PGBD5: variants seen among roughly 807,000 people sequenced by gnomAD.
PGBD5 encodes piggyBac transposable element-derived protein 5.
PGBD5 carries 14 observed loss-of-function variants against 47.9 expected under a neutral mutation model. That is an observed-to-expected ratio of 0.29 (90% CI 0.19 to 0.46). The LOEUF is 0.46. Among genes scored for constraint, PGBD5 ranks in the 20% least tolerant of loss-of-function variants. The pLI is 1.00. For synonymous variants in PGBD5, 316 were observed against 306.3 expected (o/e 1.03, Z -0.33); for missense variants, 635 against 716.0 (o/e 0.89, Z 1.29).
At chr1:230,362,478 AAGCCC>A in intron 1 of PGBD5, 1 of 1,204,954 alleles carries the variant, frequency 8.3e-7, no homozygotes. Flanking sequence ...TCCTGGAAGG[AAGCCC>A]TCCTGGGGCT....
intron 3 of PGBD5, among the ~76,000 whole-genome samples, chr1:230,338,073 G>A (rs1667354016): frequency 6.6e-6 from 1 of 152,230 alleles, no homozygotes; most frequent in Admixed American, 6.5e-5. Flanking sequence ...AGAACTGCTA[G>A]AGAAGTTCAT....
At chr1:230,375,495 C>A (rs1210348509) in intron 1 of PGBD5, among the ~76,000 whole-genome samples, 1 of 152,088 alleles carries the variant, frequency 6.6e-6, no homozygotes, top group Admixed American at 6.5e-5. Context: ...GGTCCTAAAC[C>A]CAGAATGCAG....
At chr1:230,421,908 T>G (rs927875023) in intron 1 of PGBD5, among the ~76,000 whole-genome samples, 5 of 152,310 alleles carry the variant, frequency 3.3e-5, no homozygotes, top group African/African-American at 1.2e-4. Context: ...GGTCTCAGTT[T>G]AATTCTGGTT....
intron 1 of PGBD5, among the ~76,000 whole-genome samples, chr1:230,422,169 T>C (rs1657664063): frequency 1.3e-5 from 2 of 151,784 alleles, no homozygotes; most frequent in African/African-American, 2.4e-5. Context: ...TAACCTCTAA[T>C]AGAAAGAGTG....
rs1469534759 is a variant in PGBD5, at chr1:230,320,521, G to C, written c.*2904C>G. ...CTCAGGGGATCGGCTTGGCTTAGTG[G>C]CTGGATCTGAGTGGAATGGGCTCTC... On this transcript the variant is annotated 3_prime_UTR_variant, in exon 7 of 7. Transcript: ENST00000391860. 6.6e-6 allele frequency: 1 copy of C among 152,206 alleles called. No individual in the cohort carries two copies. Among genetic ancestry groups the C allele is most frequent in the Admixed American group, 6.5e-5 (1 of 15,278 alleles). The allele number at this position is 152,206 out of a possible 1,614,324, so 9.4% of individuals were successfully genotyped here. A position where few individuals can be genotyped will look rare whatever the true frequency, so the allele number is the denominator to read the frequency against.
intron 1 of PGBD5, among the ~76,000 whole-genome samples, chr1:230,366,432 C>T (rs1256087173): frequency 6.6e-6 from 1 of 152,086 alleles, no homozygotes. Flanking sequence ...TCAGTTTTTT[C>T]ACTGGTAACT....
intron 5 of PGBD5, among the ~76,000 whole-genome samples, chr1:230,329,165 T>C (rs1350388069): frequency 2.0e-5 from 3 of 151,880 alleles, no homozygotes; most frequent in African/African-American, 7.3e-5. Context: ...GGTCCTGCCA[T>C]GTTGCTCAGA....
chr1:230,329,712 ATT>A (rs1473791432), intron 5 of PGBD5, among the ~76,000 whole-genome samples: 2 of 152,236 alleles, frequency 1.3e-5, no homozygotes, highest in African/African-American at 4.8e-5. Context: ...AAAAGGATGA[ATT>A]ATTCAATAAA....
chr1:230,316,335 A>C lies in PGBD5; in HGVS notation c.*7090T>G, dbSNP rs1666950664. The C allele has an allele frequency of 6.6e-6, 1 of 152,496 alleles. No individual in the cohort carries two copies. Among genetic ancestry groups the C allele is most frequent in the African/African-American group, 2.4e-5 (1 of 41,424 alleles). 9.4% of individuals were successfully genotyped at this position (152,496 alleles called of 1,614,324 possible). A position where few individuals can be genotyped will look rare whatever the true frequency, so the allele number is the denominator to read the frequency against. On this transcript the variant is annotated 3_prime_UTR_variant, in exon 7 of 7. Transcript: ENST00000391860. ...ATCCTATGGCCTTGTGTTTAGATGG[A>C]GCAAAGCAACTAAAAATTGCCTCAA...
At chr1:230,366,989 C>T (rs1038196282) in intron 1 of PGBD5, among the ~76,000 whole-genome samples, 16 of 152,162 alleles carry the variant, frequency 1.1e-4, no homozygotes, top group East Asian at 5.8e-4. Flanking sequence ...TTCCCACTTC[C>T]GTGGGACCTG....
At chr1:230,340,387 G>A (rs1667391470) in intron 3 of PGBD5, among the ~76,000 whole-genome samples, 1 of 152,116 alleles carries the variant, frequency 6.6e-6, no homozygotes, top group East Asian at 1.9e-4. Context: ...TAGAAAAAGT[G>A]TTTAATAACA....
chr1:230,406,798 T>G (rs1183234763), intron 1 of PGBD5, among the ~76,000 whole-genome samples: 1 of 152,226 alleles, frequency 6.6e-6, no homozygotes, highest in Non-Finnish European at 1.5e-5. Context: ...CTATACCACG[T>G]TAAAAATTCA....
intron 1 of PGBD5, among the ~76,000 whole-genome samples, chr1:230,396,617 C>T (rs558857287): frequency 7.2e-6 from 1 of 139,526 alleles, no homozygotes; most frequent in Admixed American, 7.7e-5. Flanking sequence ...CATGAGACCA[C>T]ACTCAACCCA....
At chr1:230,359,279 G>A (rs1057357626) in intron 1 of PGBD5, among the ~76,000 whole-genome samples, 1 of 152,100 alleles carries the variant, frequency 6.6e-6, no homozygotes, top group African/African-American at 2.4e-5. Flanking sequence ...GCCCAGGCTG[G>A]TCTCCAACTT....
intron 1 of PGBD5, among the ~76,000 whole-genome samples, chr1:230,411,598 C>A (rs1657410406): frequency 6.6e-6 from 1 of 152,110 alleles, no homozygotes; most frequent in Admixed American, 6.5e-5. Context: ...AAATAATAAA[C>A]CAATTCATTT....
intron 3 of PGBD5, among the ~76,000 whole-genome samples, chr1:230,349,178 G>A (rs1248554671): frequency 6.6e-6 from 1 of 152,176 alleles, no homozygotes; most frequent in Non-Finnish European, 1.5e-5. Context: ...ACTAACTGTA[G>A]AGGGAGAAGG....
At chr1:230,359,834 G>A (rs938339259) in intron 1 of PGBD5, among the ~76,000 whole-genome samples, 3 of 152,202 alleles carry the variant, frequency 2.0e-5, no homozygotes, top group Non-Finnish European at 4.4e-5. Context: ...TTTTACAGAA[G>A]CAACAGTAGC....
intron 1 of PGBD5, among the ~76,000 whole-genome samples, chr1:230,368,859 C>T (rs1431029147): frequency 6.6e-6 from 1 of 152,234 alleles, no homozygotes; most frequent in Non-Finnish European, 1.5e-5. Flanking sequence ...GCCTCTTGAT[C>T]CCCAAGATCT....
intron 1 of PGBD5, among the ~76,000 whole-genome samples, chr1:230,403,560 G>T (rs1571861339): frequency 6.6e-6 from 1 of 152,216 alleles, no homozygotes; most frequent in Non-Finnish European, 1.5e-5. Context: ...GGGGAGGCTG[G>T]CCTGGAGAGA....
Sources: allele counts gnomAD v4.1 joint callset (sites outside exome capture counted in the v4.1 genomes callset), GRCh38; gene constraint gnomAD v4.1.1; transcripts MANE v1.5; gene names NCBI Gene and HGNC (gene_info 2026-07-23, HGNC 2026-07-21).